Variants in PALM2AKAP2 observed in about 807,000 individuals in gnomAD.
The protein encoded by PALM2AKAP2 is PALM2 and AKAP2 fusion.
PALM2AKAP2 carries 37 observed loss-of-function variants against 71.5 expected under a neutral mutation model. That is an observed-to-expected ratio of 0.52 (90% confidence interval 0.40 to 0.68). PALM2AKAP2 has a LOEUF of 0.68. PALM2AKAP2 is among the 30% of genes least tolerant of loss of function. The pLI, the probability that PALM2AKAP2 is intolerant of heterozygous loss-of-function variation, is 0.00. For missense variants in PALM2AKAP2, 1,224 were observed against 1,191.8 expected, an observed-to-expected ratio of 1.03 and a Z score of -0.40; for synonymous variants, 468 against 478.8, an observed-to-expected ratio of 0.98 and a Z score of 0.29.
chr9:109,769,743 C>T (rs1224947273), intron 1 of PALM2AKAP2, among the ~76,000 whole-genome samples: 1 of 152,176 alleles, frequency 6.6e-6, no homozygotes, highest in Admixed American at 6.5e-5. Context: ...TCTGTTTCAA[C>T]ATAGTGCTAT....
chr9:109,756,945 G>A (rs1179932603), intron 1 of PALM2AKAP2, among the ~76,000 whole-genome samples: 3 of 152,012 alleles, frequency 2.0e-5, no homozygotes, highest in Non-Finnish European at 2.9e-5. Context: ...ATCACCTCAA[G>A]CATTTATAGT....
intron 1 of PALM2AKAP2, among the ~76,000 whole-genome samples, chr9:109,849,445 C>T (rs866964886): frequency 9.2e-5 from 14 of 152,096 alleles, no homozygotes; most frequent in African/African-American, 3.1e-4. Flanking sequence ...TTTGCTTTCA[C>T]ATGTCAAAAA....
intron 1 of PALM2AKAP2, among the ~76,000 whole-genome samples, chr9:109,664,731 G>T (rs1287055577): frequency 6.6e-6 from 1 of 152,112 alleles, no homozygotes; most frequent in Admixed American, 6.5e-5. Context: ...TTTGAGTGTT[G>T]GCCTGCCTTG....
chr9:110,032,296 C>T (rs963377471), intron 7 of PALM2AKAP2, among the ~76,000 whole-genome samples: 8 of 152,082 alleles, frequency 5.3e-5, no homozygotes, highest in African/African-American at 4.8e-5. Flanking sequence ...TGGTGGCTTA[C>T]ACCTATGATT....
At chr9:109,933,731 T>C (rs2132006381) in intron 6 of PALM2AKAP2, among the ~76,000 whole-genome samples, 1 of 152,364 alleles carries the variant, frequency 6.6e-6, no homozygotes, top group South Asian at 2.1e-4. Flanking sequence ...TAATTTTACA[T>C]ATGTTTCTGC....
At chr9:110,099,203 T>C (rs1289431348) in intron 1 of PALM2AKAP2, among the ~76,000 whole-genome samples, 2 of 152,214 alleles carry the variant, frequency 1.3e-5, no homozygotes, top group Non-Finnish European at 2.9e-5. Flanking sequence ...GCCTTAGAAA[T>C]GTAATGCTGT....
intron 1 of PALM2AKAP2, among the ~76,000 whole-genome samples, chr9:109,643,253 A>C (rs574802539): frequency 7.2e-5 from 11 of 152,324 alleles, no homozygotes; most frequent in Admixed American, 7.2e-4. Context: ...GGCCTGATGC[A>C]CACTTCATTC....
intron 1 of PALM2AKAP2, among the ~76,000 whole-genome samples, chr9:109,704,760 A>G (rs767006645): frequency 3.9e-5 from 6 of 152,162 alleles, no homozygotes; most frequent in Non-Finnish European, 8.8e-5. Context: ...TGAGAACAAC[A>G]TAAAACAATA....
At chr9:110,009,253 C>A (rs1449593685) in intron 6 of PALM2AKAP2, among the ~76,000 whole-genome samples, 2 of 152,122 alleles carry the variant, frequency 1.3e-5, no homozygotes, top group Admixed American at 6.6e-5. Context: ...GGCTTTGACC[C>A]TTTAATTTTA....
intron 3 of PALM2AKAP2, among the ~76,000 whole-genome samples, chr9:110,157,541 C>T (rs955614648): frequency 1.3e-5 from 2 of 152,182 alleles, no homozygotes; most frequent in African/African-American, 2.4e-5. Context: ...TGGGACCACA[C>T]GCGTATGCCA....
intron 7 of PALM2AKAP2, among the ~76,000 whole-genome samples, chr9:110,026,325 G>A (rs144290203): frequency 1.8e-3 from 281 of 152,082 alleles, no homozygotes; most frequent in Non-Finnish European, 3.5e-3. Context: ...AGTGATCCTC[G>A]TTCCTCAGCC....
At chr9:110,136,601 C>T (rs769477989) in exon 2 of PALM2AKAP2, 2 of 1,613,966 alleles carry the variant, frequency 1.2e-6, no homozygotes, top group South Asian at 2.2e-5. Flanking sequence ...TAATAGCAGC[C>T]CTGACCCCAT....
intron 1 of PALM2AKAP2, among the ~76,000 whole-genome samples, chr9:109,703,157 T>C (rs553401982): frequency 6.6e-6 from 1 of 152,340 alleles, no homozygotes; most frequent in South Asian, 2.1e-4. Flanking sequence ...CCCATTTGGT[T>C]GAATTCAGAA....
At chr9:109,981,052 A>G (rs904720914) in intron 6 of PALM2AKAP2, among the ~76,000 whole-genome samples, 3 of 152,204 alleles carry the variant, frequency 2.0e-5, no homozygotes, top group Middle Eastern at 3.2e-3. Flanking sequence ...TCAGTGCACT[A>G]AAGTACATAG....
intron 7 of PALM2AKAP2, among the ~76,000 whole-genome samples, chr9:110,037,036 A>G (rs1287129839): frequency 6.6e-6 from 1 of 152,130 alleles, no homozygotes; most frequent in Non-Finnish European, 1.5e-5. Flanking sequence ...AATACATTTC[A>G]TGTATCTGCA....
At chr9:110,081,624 C>T (rs1269579890) in intron 1 of PALM2AKAP2, among the ~76,000 whole-genome samples, 2 of 152,102 alleles carry the variant, frequency 1.3e-5, no homozygotes, top group Non-Finnish European at 2.9e-5. Context: ...GTGAGCCAGT[C>T]GAGGCCCCAG....
At chr9:109,912,069 G>A (rs1249346593) in intron 3 of PALM2AKAP2, among the ~76,000 whole-genome samples, 1 of 152,112 alleles carries the variant, frequency 6.6e-6, no homozygotes, top group East Asian at 1.9e-4. Flanking sequence ...TTGAGAGTGG[G>A]GAGTCCTTCC....
rs202154797 is a variant in PALM2AKAP2 at position 109,701,501 on chromosome 9, A to C, written c.5+60635A>C. 2.2e-3 allele frequency among the ~76,000 whole-genome samples: 335 copies of C among 152,250 alleles called. 3 individuals are homozygous for C. The highest frequency in any genetic ancestry group is 6.8e-3 in the Middle Eastern group (2 of 294). On this transcript the variant is annotated intron_variant, in intron 1 of 6. Transcript: ENST00000374531. ...AAAAACAAGAAATGGGGAAAGGATT[A>C]CCTATTTAATAAATGATGCTGGGAA... is the stretch of plus-strand genomic sequence containing the variant.
At chr9:109,775,154 C>T (rs1173978361) in intron 1 of PALM2AKAP2, among the ~76,000 whole-genome samples, 1 of 152,102 alleles carries the variant, frequency 6.6e-6, no homozygotes, top group African/African-American at 2.4e-5. Context: ...TAATTGATTC[C>T]CGTACACTCT....
Sources: gnomAD v4.1 joint callset for allele counts (sites outside exome capture counted in the v4.1 genomes callset) on GRCh38, gnomAD v4.1.1 for gene constraint, MANE v1.5 for transcripts, NCBI Gene and HGNC (gene_info 2026-07-23, HGNC 2026-07-21) for gene names.